Variants in GRIP1 observed in about 807,000 individuals in gnomAD.
GRIP1 encodes the protein glutamate receptor interacting protein 1.
GRIP1 carries 45 observed loss-of-function variants against 129.9 expected under a neutral mutation model. That is an observed-to-expected ratio of 0.35 (90% CI 0.27 to 0.44). The LOEUF (loss-of-function observed/expected upper bound fraction) is 0.44. Ranked by LOEUF, GRIP1 falls within the 20% of genes least tolerant of loss-of-function variation. The pLI is 1.00. For synonymous variants in GRIP1, 530 were observed against 520.8 expected, an observed-to-expected ratio of 1.02 and a Z score of -0.24; for missense variants, 1,196 against 1,396.8, an observed-to-expected ratio of 0.86 and a Z score of 2.29.
intron 1 of GRIP1, among the ~76,000 whole-genome samples, chr12:66,702,020 G>A (rs1242442861): frequency 6.6e-6 from 1 of 152,114 alleles, no homozygotes; most frequent in African/African-American, 2.4e-5. Context: ...GTATCACAGA[G>A]CTGGTCATGC....
chr12:66,722,412 C>T (rs980670381), intron 1 of GRIP1, among the ~76,000 whole-genome samples: 1 of 152,160 alleles, frequency 6.6e-6, no homozygotes, highest in Admixed American at 6.5e-5. Flanking sequence ...ACACACACAA[C>T]ATTGATTAGG....
intron 1 of GRIP1, among the ~76,000 whole-genome samples, chr12:67,017,269 C>A (rs923709319): frequency 6.6e-6 from 1 of 151,344 alleles, no homozygotes; most frequent in African/African-American, 2.4e-5. Flanking sequence ...TCCCCATTTG[C>A]CAGCAACCAT....
intron 1 of GRIP1, among the ~76,000 whole-genome samples, chr12:66,713,848 A>G (rs564340090): frequency 5.9e-5 from 9 of 152,186 alleles, no homozygotes; most frequent in Non-Finnish European, 1.3e-4. Context: ...AATACCTAGC[A>G]CATAGCCTGT....
intron 1 of GRIP1, among the ~76,000 whole-genome samples, chr12:66,984,348 T>A (rs1261800844): frequency 2.0e-5 from 3 of 152,190 alleles, no homozygotes; most frequent in Non-Finnish European, 4.4e-5. Flanking sequence ...GTCCAATTTA[T>A]CATATGTAAG....
chr12:67,047,904 T>C (rs2043279623), intron 1 of GRIP1, among the ~76,000 whole-genome samples: 1 of 152,200 alleles, frequency 6.6e-6, no homozygotes, highest in Non-Finnish European at 1.5e-5. Context: ...GTGAAAGCAC[T>C]GGACAGCCTC....
chr12:67,056,051 T>C (rs1185528934), intron 1 of GRIP1, among the ~76,000 whole-genome samples: 1 of 152,150 alleles, frequency 6.6e-6, no homozygotes, highest in Non-Finnish European at 1.5e-5. Context: ...TAAGGGATTT[T>C]GCTGATAACA....
intron 1 of GRIP1, among the ~76,000 whole-genome samples, chr12:66,959,783 T>C (rs1425131490): frequency 6.6e-6 from 1 of 152,206 alleles, no homozygotes; most frequent in Non-Finnish European, 1.5e-5. Flanking sequence ...TTTTTACAAA[T>C]ACATGATCAT....
chr12:66,800,899 C>T (rs2038838676), intron 1 of GRIP1, among the ~76,000 whole-genome samples: 1 of 152,048 alleles, frequency 6.6e-6, no homozygotes, highest in South Asian at 2.1e-4. Context: ...TTACAAACAT[C>T]TTCAGAATTT....
At chr12:66,775,466 G>T (rs1352495505) in intron 1 of GRIP1, among the ~76,000 whole-genome samples, 2 of 152,076 alleles carry the variant, frequency 1.3e-5, no homozygotes, top group African/African-American at 2.4e-5. Flanking sequence ...GCTGGGTCTG[G>T]TTTTTTAAAA....
At chr12:66,833,817 A>C (rs2039560903) in intron 1 of GRIP1, among the ~76,000 whole-genome samples, 1 of 152,206 alleles carries the variant, frequency 6.6e-6, no homozygotes, top group South Asian at 2.1e-4. Flanking sequence ...AAGCCTTAAT[A>C]GATAAGACAA....
At chr12:66,547,497 A>C (rs1157277358) in intron 2 of GRIP1, among the ~76,000 whole-genome samples, 1 of 152,212 alleles carries the variant, frequency 6.6e-6, no homozygotes, top group African/African-American at 2.4e-5. Flanking sequence ...AGCCTTATTC[A>C]CAATAGCAGG....
intron 2 of GRIP1, among the ~76,000 whole-genome samples, chr12:66,546,567 G>C (rs1278566747): frequency 6.6e-6 from 1 of 152,066 alleles, no homozygotes; most frequent in Non-Finnish European, 1.5e-5. Context: ...AGAGGACCCA[G>C]GAATAGACTC....
chr12:66,649,889 C>A (rs2032664433), intron 1 of GRIP1, among the ~76,000 whole-genome samples: 2 of 152,104 alleles, frequency 1.3e-5, no homozygotes, highest in African/African-American at 4.8e-5. Context: ...GAAGAGCAGG[C>A]TAGAAATTCT....
chr12:66,594,881 C>T (rs1414420000), intron 2 of GRIP1, among the ~76,000 whole-genome samples: 1 of 152,162 alleles, frequency 6.6e-6, no homozygotes, highest in African/African-American at 2.4e-5. Flanking sequence ...AACAAAAGTT[C>T]ATAGGTACTT....
At chr12:66,631,832 G>A (rs1476617902) in intron 1 of GRIP1, among the ~76,000 whole-genome samples, 2 of 152,200 alleles carry the variant, frequency 1.3e-5, no homozygotes, top group African/African-American at 4.8e-5. Context: ...AACTAGAGCA[G>A]AACATGTAAC....
intron 1 of GRIP1, among the ~76,000 whole-genome samples, chr12:67,008,615 C>A (rs997058384): frequency 2.6e-5 from 4 of 152,090 alleles, no homozygotes; most frequent in South Asian, 2.1e-4. Context: ...AAATATGTGA[C>A]CTTGAGCAAG....
At chr12:66,628,408 A>C (rs1468842084) in intron 1 of GRIP1, among the ~76,000 whole-genome samples, 1 of 152,236 alleles carries the variant, frequency 6.6e-6, no homozygotes, top group Non-Finnish European at 1.5e-5. Context: ...TCCCGTACTA[A>C]CATGTACAAG....
intron 1 of GRIP1, among the ~76,000 whole-genome samples, chr12:66,660,137 T>C (rs926016497): frequency 2.0e-5 from 3 of 152,308 alleles, no homozygotes; most frequent in African/African-American, 7.2e-5. Context: ...TTGTGAACTG[T>C]TAGCTGTCTT....
chr12:66,939,847 T>A (rs2041555145), intron 1 of GRIP1, among the ~76,000 whole-genome samples: 1 of 152,210 alleles, frequency 6.6e-6, no homozygotes, highest in African/African-American at 2.4e-5. Flanking sequence ...CATTCTCCAA[T>A]GTTATTTTTA....
Sources: gnomAD v4.1 joint callset for allele counts (sites outside exome capture counted in the v4.1 genomes callset) on GRCh38, gnomAD v4.1.1 for gene constraint, MANE v1.5 for transcripts, NCBI Gene and HGNC (gene_info 2026-07-23, HGNC 2026-07-21) for gene names.